The following CSRNP3 variants were observed in gnomAD, a reference collection of about 807,000 sequenced individuals.
CSRNP3 encodes cysteine and serine rich nuclear protein 3.
Under a neutral mutation model 48.0 loss-of-function variants are expected in CSRNP3, and 12 were observed. That is an observed-to-expected ratio of 0.25 (90% CI 0.16 to 0.41). The LOEUF (loss-of-function observed/expected upper bound fraction) is 0.41. Ranked by LOEUF, CSRNP3 falls within the 10% of genes least tolerant of loss-of-function variation. The pLI, the probability that CSRNP3 is intolerant of heterozygous loss-of-function variation, is 1.00. For synonymous variants in CSRNP3, 263 were observed against 269.7 expected, an observed-to-expected ratio of 0.98 and a Z score of 0.24; for missense variants, 580 against 724.4, an observed-to-expected ratio of 0.80 and a Z score of 2.29.
At chr2:165,521,336 G>C (rs1235735488) in intron 3 of CSRNP3, among the ~76,000 whole-genome samples, 1 of 152,156 alleles carries the variant, frequency 6.6e-6, no homozygotes, top group Non-Finnish European at 1.5e-5. Flanking sequence ...GAAAGAACTA[G>C]AAACTCTGGT....
chr2:165,476,404 C>G (rs1683963048), intron 1 of CSRNP3, among the ~76,000 whole-genome samples: 1 of 152,150 alleles, frequency 6.6e-6, no homozygotes, highest in Non-Finnish European at 1.5e-5. Context: ...ATCACCACAA[C>G]TAGGTAAAAA....
chr2:165,596,130 T>C (rs906914471), intron 4 of CSRNP3, among the ~76,000 whole-genome samples: 5 of 141,002 alleles, frequency 3.5e-5, no homozygotes, highest in Admixed American at 3.5e-4. Flanking sequence ...TATGTTTTCT[T>C]TTTGATTTTT....
intron 2 of CSRNP3, among the ~76,000 whole-genome samples, chr2:165,514,887 T>TA (rs1265902835): frequency 2.0e-5 from 3 of 152,264 alleles, no homozygotes; most frequent in African/African-American, 7.2e-5. Flanking sequence ...TTCACCCTAG[T>TA]GGCTTCACTG....
intron 3 of CSRNP3, among the ~76,000 whole-genome samples, chr2:165,584,634 C>T (rs1685598238): frequency 2.0e-5 from 3 of 152,178 alleles, no homozygotes; most frequent in Admixed American, 6.5e-5. Flanking sequence ...AGAGAATTTG[C>T]TTAAAGATTA....
intron 1 of CSRNP3, among the ~76,000 whole-genome samples, chr2:165,493,767 G>A (rs891148204): frequency 2.6e-5 from 4 of 152,014 alleles, no homozygotes; most frequent in South Asian, 2.1e-4. Context: ...ATTTACTATT[G>A]TACTTATGCT....
chr2:165,515,338 C>A (rs200252321), intron 2 of CSRNP3, among the ~76,000 whole-genome samples: 1 of 142,428 alleles, frequency 7.0e-6, no homozygotes. Flanking sequence ...AAAAAAAATA[C>A]ATATATATAT....
chr2:165,658,106 A>C, intron 5 of CSRNP3, 86 bp downstream of exon 5: 1 of 1,422,286 alleles, frequency 7.0e-7, no homozygotes, highest in Non-Finnish European at 9.5e-7. Flanking sequence ...ATAATCACGA[A>C]ACAAACTGGG....
chr2:165,650,274 A>G (rs1686882756), intron 4 of CSRNP3, among the ~76,000 whole-genome samples: 1 of 152,174 alleles, frequency 6.6e-6, no homozygotes, highest in African/African-American at 2.4e-5. Context: ...TAGAACAAGG[A>G]AAGATTGCTT....
At chr2:165,624,582 A>G (rs1203030099) in intron 4 of CSRNP3, among the ~76,000 whole-genome samples, 1 of 152,098 alleles carries the variant, frequency 6.6e-6, no homozygotes, top group Non-Finnish European at 1.5e-5. Context: ...CTGGTGCCTC[A>G]TAAATTTCCC....
rs1687234043 is a variant in CSRNP3, at chr2:165,666,988, A to AAGGAAGGAAAGAGAGG, written c.408+8969_408+8970insGGAAGGAAAGAGAGGA. Among the ~76,000 whole-genome samples, 3 of 88,746 alleles carry AAGGAAGGAAAGAGAGG rather than the reference A, an allele frequency of 3.4e-5. 1 individual carries two copies. The highest frequency in any genetic ancestry group is 8.0e-5 in the Non-Finnish European group (3 of 37,654). The allele number at this position is 88,746 out of a possible 152,430, so 58.2% of individuals were successfully genotyped here. A position where few individuals can be genotyped will look rare whatever the true frequency, so the allele number is the denominator to read the frequency against. On this transcript the variant is annotated intron_variant, in intron 5 of 6. Coordinates refer to ENST00000651982, the MANE Select transcript of CSRNP3 (RefSeq NM_001172173.2). ...GAAGGAAGGAAAGAGAGAGAGGAAG[A>AAGGAAGGAAAGAGAGG]AAGAAAGAGAGAGAGAGGAAGGAAG...
At chr2:165,674,725 T>C (rs1161083778) in intron 5 of CSRNP3, among the ~76,000 whole-genome samples, 1 of 141,154 alleles carries the variant, frequency 7.1e-6, no homozygotes, top group African/African-American at 2.7e-5. Context: ...ATTTGTTTAT[T>C]TATTTAAATA....
intron 4 of CSRNP3, 136 bp from the exon 5 acceptor site, chr2:165,657,625 G>A: frequency 1.0e-6 from 1 of 954,644 alleles, no homozygotes; most frequent in Non-Finnish European, 1.6e-6. Context: ...CCAACTCTGG[G>A]ATATAACAGT....
At chr2:165,657,701 T>C (rs1573949129) in intron 4 of CSRNP3, 60 bp from the exon 5 acceptor site, 1 of 1,585,730 alleles carries the variant, frequency 6.3e-7, no homozygotes, top group East Asian at 2.3e-5. Flanking sequence ...TGGCATTTTC[T>C]TGGCCTTGTC....
At chr2:165,476,941 C>T (rs1683970251) in intron 1 of CSRNP3, among the ~76,000 whole-genome samples, 1 of 152,082 alleles carries the variant, frequency 6.6e-6, no homozygotes, top group Non-Finnish European at 1.5e-5. Context: ...AAATAATCCT[C>T]AGTATTTGTA....
chr2:165,486,283 C>T (rs1214731877), intron 1 of CSRNP3, among the ~76,000 whole-genome samples: 29 of 152,302 alleles, frequency 1.9e-4, no homozygotes, highest in South Asian at 1.0e-3. Context: ...ACACCTGGCT[C>T]GGAGGGTCCT....
intron 4 of CSRNP3, among the ~76,000 whole-genome samples, chr2:165,645,354 A>C (rs1361793316): frequency 1.3e-5 from 2 of 152,034 alleles, no homozygotes; most frequent in Non-Finnish European, 2.9e-5. Context: ...AAAATAAATA[A>C]ATAAATAAAA....
intron 3 of CSRNP3, among the ~76,000 whole-genome samples, chr2:165,535,145 C>T (rs995821968): frequency 6.6e-6 from 1 of 151,576 alleles, no homozygotes; most frequent in African/African-American, 2.4e-5. Context: ...AAATAAAATG[C>T]ATTTTTAGAG....
chr2:165,540,481 G>A (rs867867204), intron 3 of CSRNP3, among the ~76,000 whole-genome samples: 10 of 151,862 alleles, frequency 6.6e-5, no homozygotes, highest in Admixed American at 2.0e-4. Flanking sequence ...ATTAATACCT[G>A]CGATCTTGTC....
At chr2:165,600,822 C>T (rs961096783) in intron 4 of CSRNP3, among the ~76,000 whole-genome samples, 1 of 152,142 alleles carries the variant, frequency 6.6e-6, no homozygotes, top group Non-Finnish European at 1.5e-5. Flanking sequence ...TTTAAAATAT[C>T]TCATGTACCC....
Sources: allele counts gnomAD v4.1 joint callset (sites outside exome capture counted in the v4.1 genomes callset), GRCh38; gene constraint gnomAD v4.1.1; transcripts MANE v1.5; gene names NCBI Gene and HGNC (gene_info 2026-07-23, HGNC 2026-07-21).